Variants in RFX8 observed in about 807,000 individuals in gnomAD.
RFX8 encodes the protein DNA-binding protein RFX8.
Under a neutral mutation model 54.6 loss-of-function variants are expected in RFX8, and 46 were observed. The ratio of observed to expected loss-of-function variants is 0.84; its 90% CI spans 0.67 to 1.08. RFX8 has a LOEUF of 1.08. Among genes scored for constraint, RFX8 ranks in the 50% least tolerant of loss-of-function variants. The pLI is 0.00. For synonymous variants in RFX8, 192 were observed against 209.5 expected (o/e 0.92, Z 0.72); for missense variants, 536 against 562.3 (o/e 0.95, Z 0.47).
chr2:101,427,606 T>C (rs1182950835), intron 2 of RFX8, among the ~76,000 whole-genome samples: 1 of 152,218 alleles, frequency 6.6e-6, no homozygotes, highest in Non-Finnish European at 1.5e-5. Context: ...TGTGTTGTTT[T>C]AAGTCACTGA....
rs935523503 is a variant in RFX8 at position 101,421,759 on chromosome 2, C to T, written c.202G>A (p.Glu68Lys). The T allele has an allele frequency of 3.3e-5, 51 of 1,549,738 alleles. No homozygotes were observed. Among genetic ancestry groups the T allele is most frequent in the Middle Eastern group, 1.7e-4 (1 of 6,012 alleles). Residue 68 changes from glutamate to lysine, a missense_variant, in exon 4 of 12, where the codon GAA (glutamate) becomes AAA (lysine). Glu to Lys is a moderately conservative substitution (Grantham distance 56). Transcript: ENST00000428343. ...SCNMMAFLAD[E>K]YCNYCRDILR... is the part of the protein sequence containing the mutation. ...ATGTCTCGACAATAGTTGCAGTATT[C>T]GTCAGCAAGGAAGGCCATCTAGGAA... is the stretch of plus-strand genomic sequence containing the variant.
intron 2 of RFX8, among the ~76,000 whole-genome samples, chr2:101,434,582 G>C (rs1687667263): frequency 6.6e-6 from 1 of 152,178 alleles, no homozygotes; most frequent in Non-Finnish European, 1.5e-5. Context: ...CTGTCTGTTG[G>C]AGATGGGCAA....
chr2:101,474,258 CG>C (rs779829287), intron 1 of RFX8: 1 of 612,122 alleles, frequency 1.6e-6, no homozygotes, highest in South Asian at 1.7e-5. Context: ...ACGGCGAGGC[CG>C]GCACCCCCTC....
intron 1 of RFX8, among the ~76,000 whole-genome samples, chr2:101,469,736 T>C (rs1461217823): frequency 2.0e-5 from 3 of 152,162 alleles, no homozygotes; most frequent in Admixed American, 2.0e-4. Flanking sequence ...TAAGTCTCTA[T>C]GAATTGCTGT....
intron 2 of RFX8, among the ~76,000 whole-genome samples, chr2:101,451,689 CAAAAA>C (rs11441528): frequency 1.8e-5 from 2 of 111,618 alleles, no homozygotes. Flanking sequence ...AACTCCGTCT[CAAAAA>C]AAAAAAAAAA....
chr2:101,456,938 G>A (rs947663661), intron 2 of RFX8, among the ~76,000 whole-genome samples: 1 of 152,106 alleles, frequency 6.6e-6, no homozygotes, highest in African/African-American at 2.4e-5. Flanking sequence ...TCTTGGGAGG[G>A]GGTATGTGTC....
intron 2 of RFX8, among the ~76,000 whole-genome samples, chr2:101,432,754 C>T (rs1687559531): frequency 6.6e-6 from 1 of 152,232 alleles, no homozygotes; most frequent in Admixed American, 6.5e-5. Context: ...ACATCCAGAG[C>T]TGGCCTTGTT....
chr2:101,419,109 C>A, intron 4 of RFX8, 145 bp from the exon 5 acceptor site: 2 of 599,740 alleles, frequency 3.3e-6, no homozygotes, highest in Admixed American at 3.0e-5. Context: ...TCAGCTTTTC[C>A]AAGCTGTATT....
chr2:101,440,531 C>A (rs1454072811), intron 2 of RFX8, among the ~76,000 whole-genome samples: 1 of 152,188 alleles, frequency 6.6e-6, no homozygotes, highest in Non-Finnish European at 1.5e-5. Context: ...CATGTTGCTG[C>A]ATTTCATTGC....
chr2:101,443,921 C>T (rs780361794), intron 2 of RFX8, among the ~76,000 whole-genome samples: 1 of 152,098 alleles, frequency 6.6e-6, no homozygotes, highest in Non-Finnish European at 1.5e-5. Context: ...CTGACCTCCA[C>T]GCTCCATACA....
rs147504118 is a variant in RFX8 at position 101,427,436 on chromosome 2, G to A, written c.73-4964C>T. Among the ~76,000 whole-genome samples the A allele has an allele frequency of 1.3e-3, 204 of 152,228 alleles. 1 individual carries two copies. The highest frequency in any genetic ancestry group is 4.1e-3 in the African/African-American group (170 of 41,532). ...TGGCTTTGAAGATGGGGTGGAGGCC[G>A]TGAGCCAAGGAATGGGAGGGACCTC... On this transcript the variant is annotated intron_variant, in intron 2 of 11. Transcript: ENST00000428343.
Position 101,468,426 on chromosome 2 carries a change from CG to C in RFX8, c.-52-1527del, listed in dbSNP as rs796812379. Among the ~76,000 whole-genome samples, 9 of 152,200 alleles carry C rather than the reference CG, an allele frequency of 5.9e-5. No individual in the cohort carries two copies. The South Asian group carries it at 1.5e-3, about 25-fold the overall frequency. On this transcript the variant is annotated intron_variant, in intron 1 of 11. Coordinates refer to ENST00000428343, the MANE Select transcript of RFX8 (RefSeq NM_001145664.2). ...TTACACAGCCTTCTCCCTGTGTGTC[CG>C]TATCTCTGAGAATTTTATTGTTTTT...
At chr2:101,440,858 T>G (rs1485897295) in intron 2 of RFX8, among the ~76,000 whole-genome samples, 2 of 152,162 alleles carry the variant, frequency 1.3e-5, no homozygotes, top group African/African-American at 4.8e-5. Context: ...TTGTTCAGTG[T>G]GCATACATTT....
chr2:101,470,978 C>T (rs1432313260), intron 1 of RFX8, among the ~76,000 whole-genome samples: 1 of 150,034 alleles, frequency 6.7e-6, no homozygotes, highest in Non-Finnish European at 1.5e-5. Flanking sequence ...CTTGGCCTCC[C>T]AAAGTGCTGG....
intron 2 of RFX8, among the ~76,000 whole-genome samples, chr2:101,449,408 A>T (rs2148969544): frequency 6.6e-6 from 1 of 152,276 alleles, no homozygotes; most frequent in East Asian, 1.9e-4. Context: ...TCAGTGTAAG[A>T]TGACAAAGGA....
Position 101,469,014 on chromosome 2 carries a change from ATAGG to A in RFX8, c.-52-2118_-52-2115del, listed in dbSNP as rs1444624846. 2.3e-4 allele frequency among the ~76,000 whole-genome samples: 6 copies of A among 26,492 alleles called. 1 individual carries two copies. Among genetic ancestry groups the A allele is most frequent in the African/African-American group, 5.3e-4 (6 of 11,312 alleles). 17.4% of individuals were successfully genotyped at this position (26,492 alleles called of 152,430 possible). A position where few individuals can be genotyped will look rare whatever the true frequency, so the allele number is the denominator to read the frequency against. ...TAAGTATATATATACGTATATATATATAGGTATATATATATACGTATATATATGT... is the reference window on the plus strand; with the variant it reads ...TAAGTATATATATACGTATATATATATATATATATATACGTATATATATGT... On this transcript the variant is annotated intron_variant, in intron 1 of 11. Coordinates refer to ENST00000428343, the MANE Select transcript of RFX8 (RefSeq NM_001145664.2).
At chr2:101,465,722 AG>A (rs1331453574) in intron 2 of RFX8, among the ~76,000 whole-genome samples, 2 of 152,336 alleles carry the variant, frequency 1.3e-5, no homozygotes, top group Non-Finnish European at 2.9e-5. Context: ...TCAACTCTTT[AG>A]AAAAAAATAC....
At chr2:101,426,257 T>C (rs894790551) in intron 2 of RFX8, among the ~76,000 whole-genome samples, 23 of 152,062 alleles carry the variant, frequency 1.5e-4, no homozygotes, top group Admixed American at 1.3e-3. Flanking sequence ...CCCAGAACTT[T>C]TGGAGGCTGA....
Position 101,417,662 on chromosome 2 carries a change from T to G in RFX8, c.374A>C (p.His125Pro), listed in dbSNP as rs73943467. The G allele has an allele frequency of 4.5e-6, 7 of 1,549,224 alleles. No homozygotes were observed. The East Asian group carries it at 1.5e-4, about 32-fold the overall frequency. The change falls in exon 6 of 12, where the codon CAT (histidine) becomes CCT (proline). Residue 125 changes from histidine to proline, a missense_variant. His to Pro is a moderately conservative substitution (Grantham distance 77). Coordinates refer to ENST00000428343, the MANE Select transcript of RFX8 (RefSeq NM_001145664.2). ...LYKGIEDVLL[H>P]DFLEDVSIQY... ...AATAGAAACATCTTCCAAGAAGTCA[T>G]GAAGGAGAACATCCTCAATTCCCTA...
Sources: allele counts gnomAD v4.1 joint callset (sites outside exome capture counted in the v4.1 genomes callset), GRCh38; gene constraint gnomAD v4.1.1; transcripts MANE v1.5; gene names NCBI Gene and HGNC (gene_info 2026-07-23, HGNC 2026-07-21).